The following SLC35A5 variants were observed in gnomAD, a reference collection of about 807,000 sequenced individuals.
SLC35A5 encodes the protein solute carrier family 35 member A5.
SLC35A5 carries 28 observed loss-of-function variants against 36.3 expected under a neutral mutation model. The ratio of observed to expected loss-of-function variants is 0.77; its 90% confidence interval spans 0.57 to 1.06. The LOEUF is 1.06. Among genes scored for constraint, SLC35A5 ranks in the 50% least tolerant of loss-of-function variants. The pLI, the probability that SLC35A5 is intolerant of heterozygous loss-of-function variation, is 0.00. For missense variants in SLC35A5, 521 were observed against 499.3 expected (o/e 1.04, Z -0.41); for synonymous variants, 180 against 173.7 (o/e 1.04, Z -0.29).
chr3:112,580,985 C>T lies in SLC35A5; in HGVS notation c.868C>T (p.Arg290Cys), dbSNP rs145893363. The T allele has an allele frequency of 2.6e-5, 42 of 1,613,962 alleles. No individual in the cohort carries two copies. Among genetic ancestry groups the T allele is most frequent in the Non-Finnish European group, 3.6e-5 (42 of 1,179,986 alleles). The change falls in exon 6 of 7, where the codon CGT becomes TGT. Residue 290 changes from arginine (R) to cysteine (C), a missense_variant. Coordinates refer to ENST00000492406, the MANE Select transcript of SLC35A5 (RefSeq NM_017945.5). ...GACTCTGGGCCTTCAGAGGAGTAAC[C>T]GTGATCAGATTAAGAACTGTGGATT... ...GLTLGLQRSN[R>C]DQIKNCGFFY... is the part of the protein sequence containing the mutation.
chr3:112,569,295 C>T (rs752629787), intron 3 of SLC35A5, 26 bp downstream of exon 3: 3 of 1,570,160 alleles, frequency 1.9e-6, no homozygotes, highest in Non-Finnish European at 1.7e-6. Context: ...GTACTATATA[C>T]TTGTTAATCA....
In SLC35A5 at chr3:112,580,733, A is replaced by G. The variant is rs764833144; in HGVS notation, c.616A>G (p.Thr206Ala). ...TGAGTGTCCCAGAAAAGACAATTGT[A>G]CAGCAAAGGAATGGACTTTTCCTGA... ...RSECPRKDNCTAKEWTFPEAK... is the reference protein window; with the variant it reads ...RSECPRKDNCAAKEWTFPEAK... The change falls in exon 6 of 7, where the codon ACA (threonine) becomes GCA (alanine). Residue 206 changes from threonine to alanine, a missense_variant. Transcript: ENST00000492406. The G allele has an allele frequency of 6.2e-7, 1 of 1,614,196 alleles. No homozygotes were observed. Among genetic ancestry groups the G allele is most frequent in the South Asian group, 1.1e-5 (1 of 91,084 alleles).
In SLC35A5 at chr3:112,570,667, A is replaced by G; in HGVS notation, c.357A>G (p.Gln119=). The G allele has an allele frequency of 6.4e-7, 1 of 1,559,362 alleles. No homozygotes were observed. The highest frequency in any genetic ancestry group is 8.6e-7 in the Non-Finnish European group (1 of 1,158,258). ...LIVFYVLSYL[Q]PAMAVIFSNF... Reference sequence around the variant, plus strand: ...TCTTCTATGTCCTGTCCTATCTTCAACCAGTAAGTAAATATGAAAAAGAAA... The same window carrying G: ...TCTTCTATGTCCTGTCCTATCTTCAGCCAGTAAGTAAATATGAAAAAGAAA... The change falls in exon 4 of 7, where the codon CAA becomes CAG. Residue 119 remains glutamine (Q), a synonymous_variant. Transcript: ENST00000492406.
At position 112,580,664 on chromosome 3, in the gene SLC35A5, G is replaced by A. The variant is rs370677796; in HGVS notation, c.547G>A (p.Asp183Asn). ...CTTGGCAGGACGTGGATTTCATCAC[G>A]ATGCCTTTTTCAGCCCTTCCAATTC... is the stretch of plus-strand genomic sequence containing the variant. ...HNLAGRGFHH[D>N]AFFSPSNSCL... is the part of the protein sequence containing the mutation. Residue 183 changes from aspartate (D) to asparagine (N), a missense_variant, in exon 6 of 7, where the codon GAT becomes AAT. Asp to Asn is a conservative substitution (Grantham distance 23). Transcript: ENST00000492406. 5.0e-6 allele frequency: 8 copies of A among 1,613,974 alleles called. No individual in the cohort carries two copies. The highest frequency in any genetic ancestry group is 1.7e-5 in the Admixed American group (1 of 59,992).
intron 1 of SLC35A5, among the ~76,000 whole-genome samples, chr3:112,563,148 CCTG>C (rs1307341476): frequency 6.6e-6 from 1 of 152,224 alleles, no homozygotes; most frequent in Non-Finnish European, 1.5e-5. Flanking sequence ...CATTTGCTCA[CCTG>C]CTACCTTTGT....
intron 5 of SLC35A5, among the ~76,000 whole-genome samples, chr3:112,574,450 G>GT (rs894996654): frequency 6.6e-6 from 1 of 152,142 alleles, no homozygotes; most frequent in East Asian, 1.9e-4. Context: ...AAGAAGGATA[G>GT]TTTTTTAAAC....
chr3:112,567,075 A>C (rs1559856325), intron 2 of SLC35A5, among the ~76,000 whole-genome samples: 2 of 151,890 alleles, frequency 1.3e-5, no homozygotes, highest in East Asian at 3.9e-4. Context: ...AAATACAAAA[A>C]ATTAGCCGGG....
At chr3:112,569,330 G>A (rs1934334265) in intron 3 of SLC35A5, 61 bp downstream of exon 3, 3 of 1,281,496 alleles carry the variant, frequency 2.3e-6, no homozygotes, top group Non-Finnish European at 3.4e-6. Flanking sequence ...GTTAGAACTG[G>A]AAGGAACATT....
upstream of SLC35A5, chr3:112,561,864 T>C (rs1365425912): frequency 6.6e-6 from 2 of 302,816 alleles, no homozygotes; most frequent in African/African-American, 2.3e-5. Context: ...CTCTGCGAGC[T>C]GTCTGTCCTC....
intron 2 of SLC35A5, among the ~76,000 whole-genome samples, chr3:112,565,893 T>TTAG (rs1191538815): frequency 6.6e-6 from 1 of 152,220 alleles, no homozygotes; most frequent in East Asian, 1.9e-4. Flanking sequence ...AGCTGGGACC[T>TTAG]TAGTCTCTAG....
At position 112,563,419 on chromosome 3, in the gene SLC35A5, T is replaced by C. The variant is rs773342351; in HGVS notation, c.16T>C (p.Cys6Arg). ...AAACAGTGGAATGGAAAAACAGTGC[T>C]GTAGTCATCCTGTAATATGCTCCTT... MEKQC[C>R]SHPVICSLST... is the part of the protein sequence containing the mutation. Residue 6 changes from cysteine to arginine, a missense_variant, in exon 2 of 7, where the codon TGT becomes CGT. Physicochemically the swap from Cys to Arg is radical, Grantham distance 180. Transcript: ENST00000492406. The C allele has an allele frequency of 1.7e-5, 27 of 1,571,932 alleles. No homozygotes were observed. Among genetic ancestry groups the C allele is most frequent in the Non-Finnish European group, 2.2e-5 (25 of 1,149,214 alleles).
In SLC35A5 at chr3:112,570,557, T is replaced by C. The variant is rs775393317; in HGVS notation, c.247T>C (p.Leu83=). The C allele has an allele frequency of 9.3e-6, 15 of 1,606,510 alleles. No homozygotes were observed. The highest frequency in any genetic ancestry group is 1.3e-5 in the Non-Finnish European group (15 of 1,177,824). The change falls in exon 4 of 7, where the codon TTG becomes CTG. Residue 83 remains leucine, a synonymous_variant. Coordinates refer to ENST00000492406, the MANE Select transcript of SLC35A5 (RefSeq NM_017945.5). The part of the protein sequence containing the change: ...VIKKDHQSRN[L]KYASWKEFSD... ...TTTCTAAGATCATCAAAGTAGAAAT[T>C]TGAAATATGCTTCCTGGAAGGAATT...
At chr3:112,563,681 C>A in intron 2 of SLC35A5, 148 bp downstream of exon 2, 1 of 859,592 alleles carries the variant, frequency 1.2e-6, no homozygotes, top group Non-Finnish European at 1.6e-6. Flanking sequence ...GATTATTTAA[C>A]CTTGCATTCC....
chr3:112,578,835 A>G (rs1934772001), intron 5 of SLC35A5, among the ~76,000 whole-genome samples: 1 of 152,114 alleles, frequency 6.6e-6, no homozygotes, highest in Non-Finnish European at 1.5e-5. Flanking sequence ...TGCGATTTGC[A>G]ATAATTAATT....
chr3:112,575,671 A>G (rs944041894), intron 5 of SLC35A5, among the ~76,000 whole-genome samples: 2 of 152,052 alleles, frequency 1.3e-5, no homozygotes, highest in African/African-American at 4.8e-5. Context: ...TTTGTTGTTA[A>G]CATCTCTCTG....
At chr3:112,579,881 A>G (rs1934826347) in intron 5 of SLC35A5, among the ~76,000 whole-genome samples, 1 of 152,244 alleles carries the variant, frequency 6.6e-6, no homozygotes, top group Non-Finnish European at 1.5e-5. Context: ...ATGGAATAAT[A>G]ATAGTACATG....
chr3:112,568,153 C>T (rs954813181), intron 2 of SLC35A5, among the ~76,000 whole-genome samples: 2 of 152,128 alleles, frequency 1.3e-5, no homozygotes, highest in Non-Finnish European at 2.9e-5. Context: ...AGTAGGGCCA[C>T]AGAGGTTTAG....
chr3:112,575,473 T>C (rs1284825243), intron 5 of SLC35A5, among the ~76,000 whole-genome samples: 1 of 112,534 alleles, frequency 8.9e-6, no homozygotes, highest in Non-Finnish European at 1.5e-5. Context: ...AAGTTCATTC[T>C]AAGTTTAAAT....
At chr3:112,573,800 CT>C (rs112777928) in intron 4 of SLC35A5, 88 bp from the exon 5 acceptor site, 5 of 1,077,586 alleles carry the variant, frequency 4.6e-6, no homozygotes, top group Non-Finnish European at 7.0e-6. Flanking sequence ...GACCAAAAAG[CT>C]TTTTTTGTCA....
Sources: gnomAD v4.1 joint callset for allele counts (sites outside exome capture counted in the v4.1 genomes callset) on GRCh38, gnomAD v4.1.1 for gene constraint, MANE v1.5 for transcripts, NCBI Gene and HGNC (gene_info 2026-07-23, HGNC 2026-07-21) for gene names.